The following FTO variants were observed in gnomAD, a reference collection of about 807,000 sequenced individuals.
FTO encodes FTO alpha-ketoglutarate dependent dioxygenase, also known as alpha-ketoglutarate-dependent dioxygenase FTO.
A neutral mutation model predicts 63.9 loss-of-function variants in FTO; 47 were observed. The observed-to-expected ratio is 0.74, with a 90% confidence interval of 0.58 to 0.94. The LOEUF is 0.94. Ranked by LOEUF, FTO falls within the 40% of genes least tolerant of loss-of-function variation. The probability of loss-of-function intolerance (pLI) is 0.00; values close to 1 mark genes in which losing one functional copy is unlikely to be tolerated. For synonymous variants in FTO, 207 were observed against 224.4 expected, an observed-to-expected ratio of 0.92 and a Z score of 0.69; for missense variants, 562 against 618.1, an observed-to-expected ratio of 0.91 and a Z score of 0.96.
chr16:53,777,738 A>G (rs1315113752), intron 1 of FTO, among the ~76,000 whole-genome samples: 2 of 152,206 alleles, frequency 1.3e-5, no homozygotes, highest in Non-Finnish European at 2.9e-5. Flanking sequence ...CAAATTTTCT[A>G]AATTTCTGAT....
At chr16:54,025,869 C>T (rs1308296263) in intron 8 of FTO, among the ~76,000 whole-genome samples, 1 of 152,174 alleles carries the variant, frequency 6.6e-6, no homozygotes, top group Non-Finnish European at 1.5e-5. Flanking sequence ...AAAAATTATC[C>T]GGGCATGGGG....
intron 1 of FTO, among the ~76,000 whole-genome samples, chr16:53,745,578 T>C (rs73609973): frequency 6.6e-4 from 100 of 152,316 alleles, no homozygotes; most frequent in African/African-American, 1.9e-3. Context: ...AAAGATAAGA[T>C]AGATTTTTAT....
At chr16:54,069,171 C>T (rs2085801358) in intron 8 of FTO, among the ~76,000 whole-genome samples, 1 of 152,118 alleles carries the variant, frequency 6.6e-6, no homozygotes, top group Non-Finnish European at 1.5e-5. Flanking sequence ...GTAGAAGGAA[C>T]TCTGATTACA....
chr16:54,004,688 C>T (rs890206101), intron 8 of FTO, among the ~76,000 whole-genome samples: 27 of 152,062 alleles, frequency 1.8e-4, no homozygotes, highest in Admixed American at 1.5e-3. Context: ...GAGAATTTTC[C>T]CATAGGCCAA....
chr16:54,073,983 G>T (rs1269359876), intron 8 of FTO, among the ~76,000 whole-genome samples: 1 of 151,994 alleles, frequency 6.6e-6, no homozygotes, highest in Non-Finnish European at 1.5e-5. Flanking sequence ...GGCACTAAAT[G>T]TTATGTTTTG....
chr16:53,804,306 A>G (rs1467622782), intron 1 of FTO, among the ~76,000 whole-genome samples: 1 of 152,196 alleles, frequency 6.6e-6, no homozygotes, highest in Non-Finnish European at 1.5e-5. Context: ...TGCAAAAGGC[A>G]CTAATATGTA....
intron 6 of FTO, among the ~76,000 whole-genome samples, 183 bp downstream of exon 6, chr16:53,880,170 T>C (rs1208181919): frequency 1.3e-5 from 2 of 152,080 alleles, no homozygotes; most frequent in African/African-American, 4.8e-5. Flanking sequence ...CTGATTTTGA[T>C]ATTTTTAGTA....
intron 8 of FTO, among the ~76,000 whole-genome samples, chr16:53,960,028 A>G (rs1006420653): frequency 6.6e-6 from 1 of 152,166 alleles, no homozygotes; most frequent in Non-Finnish European, 1.5e-5. Flanking sequence ...TGAGGAGTCA[A>G]CAGTATTCAA....
chr16:54,015,820 A>G (rs1315187133), intron 8 of FTO, among the ~76,000 whole-genome samples: 4 of 152,180 alleles, frequency 2.6e-5, no homozygotes, highest in African/African-American at 9.7e-5. Flanking sequence ...AGTGACTTAC[A>G]AGTTCGGACA....
intron 1 of FTO, among the ~76,000 whole-genome samples, chr16:53,788,602 CAAA>C (rs530568312): frequency 0.46 from 45,950 of 99,410 alleles, 7,871 homozygotes; most frequent in African/African-American, 0.49. Context: ...GACTCTGTCT[CAAA>C]AAAAAAAAAA....
chr16:53,708,043 T>G (rs1389552083), intron 1 of FTO, among the ~76,000 whole-genome samples: 3 of 152,252 alleles, frequency 2.0e-5, no homozygotes, highest in African/African-American at 7.2e-5. Flanking sequence ...ACTTTGTTCC[T>G]TTTTATTACA....
chr16:53,742,854 A>G (rs1473382557), intron 1 of FTO, among the ~76,000 whole-genome samples: 4 of 152,188 alleles, frequency 2.6e-5, no homozygotes, highest in Admixed American at 2.6e-4. Flanking sequence ...TGAGTGGGTT[A>G]TAGTTTGTGG....
At chr16:54,100,318 G>A (rs2086610954) in intron 8 of FTO, among the ~76,000 whole-genome samples, 1 of 152,112 alleles carries the variant, frequency 6.6e-6, no homozygotes, top group Admixed American at 6.6e-5. Flanking sequence ...AAGATGTATA[G>A]AATCCTAGCA....
chr16:53,815,633 CTTGTTTTTTTTT>C (rs2078654162), intron 2 of FTO, among the ~76,000 whole-genome samples: 8 of 80,144 alleles, frequency 1.0e-4, no homozygotes, highest in Non-Finnish European at 1.8e-4. Flanking sequence ...CATTGACTTT[CTTGTTTTTTTTT>C]TTTTTTTTTT....
At chr16:53,785,844 A>T (rs1167284661) in intron 1 of FTO, among the ~76,000 whole-genome samples, 1 of 148,834 alleles carries the variant, frequency 6.7e-6, no homozygotes, top group Admixed American at 6.8e-5. Context: ...CGGGAGGCGG[A>T]GGTTGCAGTT....
chr16:53,757,565 T>C (rs2076952899), intron 1 of FTO, among the ~76,000 whole-genome samples: 1 of 151,560 alleles, frequency 6.6e-6, no homozygotes, highest in African/African-American at 2.4e-5. Flanking sequence ...ACATAATACC[T>C]ATATTTATAT....
chr16:54,026,899 A>G (rs16952859), intron 8 of FTO, among the ~76,000 whole-genome samples: 2,353 of 152,340 alleles, frequency 0.015, 45 homozygotes, highest in African/African-American at 0.053. Flanking sequence ...AATGCAACGC[A>G]CAATCAATAC....
intron 8 of FTO, among the ~76,000 whole-genome samples, chr16:53,954,403 A>C (rs1471492347): frequency 1.3e-5 from 2 of 152,156 alleles, no homozygotes; most frequent in Non-Finnish European, 2.9e-5. Context: ...CTACAATAAA[A>C]CCAACAATGT....
chr16:53,717,063 AT>A (rs895423673), intron 1 of FTO, among the ~76,000 whole-genome samples: 3 of 151,294 alleles, frequency 2.0e-5, no homozygotes, highest in African/African-American at 4.9e-5. Flanking sequence ...TATTTTATGG[AT>A]TTTTTTCCAT....
Sources: allele counts gnomAD v4.1 joint callset (sites outside exome capture counted in the v4.1 genomes callset), GRCh38; gene constraint gnomAD v4.1.1; transcripts MANE v1.5; gene names NCBI Gene and HGNC (gene_info 2026-07-23, HGNC 2026-07-21).